ABR: variants seen among roughly 807,000 people sequenced by gnomAD.
The protein encoded by ABR is active breakpoint cluster region-related protein.
A neutral mutation model predicts 107.2 loss-of-function variants in ABR; 35 were observed. The observed-to-expected ratio is 0.33, with a 90% CI of 0.25 to 0.43. The LOEUF is 0.43. Ranked by LOEUF, ABR falls within the 20% of genes least tolerant of loss-of-function variation. ABR has a pLI of 1.00. For missense variants in ABR, 815 were observed against 1,115.2 expected, an observed-to-expected ratio of 0.73 and a Z score of 3.83; for synonymous variants, 498 against 462.0, an observed-to-expected ratio of 1.08 and a Z score of -1.00.
At chr17:1,029,712 G>A (rs2072550244) in intron 16 of ABR, among the ~76,000 whole-genome samples, 1 of 152,208 alleles carries the variant, frequency 6.6e-6, no homozygotes, top group African/African-American at 2.4e-5. Flanking sequence ...AGGATAGAAA[G>A]CAAGAGGCCT....
chr17:1,121,821 G>A (rs990979406), intron 2 of ABR, among the ~76,000 whole-genome samples: 2 of 152,196 alleles, frequency 1.3e-5, no homozygotes, highest in East Asian at 1.9e-4. Context: ...CCTTTCAGGG[G>A]AGTTAGAGCT....
At chr17:1,153,854 C>A in intron 1 of ABR, 1 of 217,330 alleles carries the variant, frequency 4.6e-6, no homozygotes, top group South Asian at 4.9e-5. Context: ...GCCTGTCACA[C>A]GCATCACATG....
At chr17:1,100,872 GAAGTA>G in intron 2 of ABR, 137 bp from the exon 3 acceptor site, 2 of 777,240 alleles carry the variant, frequency 2.6e-6, no homozygotes, top group South Asian at 1.7e-5. Flanking sequence ...CACCTAGGCT[GAAGTA>G]AAGTGGCACA....
In ABR at chr17:1,150,221, C is replaced by A. The variant is rs572855633; in HGVS notation, c.62-24854G>T. Among the ~76,000 whole-genome samples, 2 of 152,160 alleles carry A rather than the reference C, an allele frequency of 1.3e-5. No individual in the cohort carries two copies. Among genetic ancestry groups the A allele is most frequent in the East Asian group, 1.9e-4 (1 of 5,168 alleles). ...GCCTGTGTCAGAATTTTTTTTGTTACCCACCTGACAAAGCTCTTCATCTTG... is the reference window on the plus strand; with the variant it reads ...GCCTGTGTCAGAATTTTTTTTGTTAACCACCTGACAAAGCTCTTCATCTTG... On this transcript the variant is annotated intron_variant, in intron 1 of 22. Transcript: ENST00000302538. This position sits in a 1 kb window ranked among gnomAD's most constrained non-coding sequence, Gnocchi z 4.8.
chr17:1,053,941 G>A (rs2032899867), intron 14 of ABR, among the ~76,000 whole-genome samples: 1 of 152,164 alleles, frequency 6.6e-6, no homozygotes, highest in Non-Finnish European at 1.5e-5. Context: ...TGGGTCTGGA[G>A]AGAGTTCAGG....
intron 1 of ABR, among the ~76,000 whole-genome samples, chr17:1,127,788 G>T (rs74835549): frequency 6.6e-6 from 1 of 152,194 alleles, no homozygotes; most frequent in South Asian, 2.1e-4. Context: ...AGATCAACGG[G>T]GGGGAAGGGA....
At chr17:1,185,349 C>G (rs2042252177) in intron 1 of ABR, among the ~76,000 whole-genome samples, 2 of 152,104 alleles carry the variant, frequency 1.3e-5, no homozygotes, top group Admixed American at 1.3e-4. Flanking sequence ...CATCTGTAGA[C>G]AGTATGCGCC....
At chr17:1,137,536 T>C (rs62069392) in intron 1 of ABR, among the ~76,000 whole-genome samples, 7,563 of 152,242 alleles carry the variant, frequency 0.05, 253 homozygotes, top group African/African-American at 0.083. Context: ...AGATGAAGGT[T>C]GCCGGGTCCG....
chr17:1,099,154 C>T (rs945728819), intron 3 of ABR, among the ~76,000 whole-genome samples: 17 of 151,274 alleles, frequency 1.1e-4, no homozygotes, highest in Non-Finnish European at 2.1e-4. Flanking sequence ...CAGCTCACTA[C>T]GACCTTCGCC....
rs1326175640 is a variant in ABR, at chr17:1,011,274, A to G, written c.2102-411T>C. On this transcript the variant is annotated intron_variant, in intron 19 of 22. Transcript: ENST00000302538. This position sits in a 1 kb window ranked among gnomAD's most constrained non-coding sequence, Gnocchi z 4.8. ...CTCAGCTTCTAGGCTGCACAGAGGC[A>G]CCAACGCCGGCCAGTTCCCAGGCCC... 3 of 196,828 alleles carry G rather than the reference A, an allele frequency of 1.5e-5. No individual in the cohort carries two copies. The highest frequency in any genetic ancestry group is 8.7e-5 in the South Asian group (1 of 11,486). The allele number at this position is 196,828 out of a possible 1,614,324, so 12.2% of individuals were successfully genotyped here.
intron 2 of ABR, among the ~76,000 whole-genome samples, chr17:1,104,553 C>T (rs966403833): frequency 2.0e-5 from 3 of 152,184 alleles, no homozygotes; most frequent in South Asian, 4.1e-4. Context: ...GAGTACCCAG[C>T]AGGATCTGCT....
At chr17:1,121,981 C>A (rs770097297) in intron 2 of ABR, among the ~76,000 whole-genome samples, 48 of 152,356 alleles carry the variant, frequency 3.2e-4, no homozygotes, top group Non-Finnish European at 5.4e-4. Context: ...CGGCTCGCTG[C>A]AACTTCCACC....
At chr17:1,205,813 C>A (rs952439190) in intron 1 of ABR, among the ~76,000 whole-genome samples, 1 of 152,180 alleles carries the variant, frequency 6.6e-6, no homozygotes, top group African/African-American at 2.4e-5. Context: ...TGTGGTGGTG[C>A]ATGCCTGTAG....
At chr17:1,173,714 C>A (rs149012590) in intron 1 of ABR, among the ~76,000 whole-genome samples, 27 of 152,208 alleles carry the variant, frequency 1.8e-4, no homozygotes, top group African/African-American at 6.0e-4. Flanking sequence ...TTTTCCCACC[C>A]GTACTCAGAC....
chr17:1,159,353 G>A (rs528438048), intron 1 of ABR, among the ~76,000 whole-genome samples: 64 of 103,464 alleles, frequency 6.2e-4, no homozygotes, highest in Middle Eastern at 5.2e-3. Context: ...GGAAGTATGC[G>A]GTACTCACAC....
chr17:1,009,373 TG>T (rs1327587565), intron 21 of ABR, among the ~76,000 whole-genome samples: 1 of 151,926 alleles, frequency 6.6e-6, no homozygotes, highest in Non-Finnish European at 1.5e-5. Flanking sequence ...CCTGTAGTCC[TG>T]GGCTCTCACC....
At chr17:1,086,502 CTTT>C (rs11288862) in intron 4 of ABR, among the ~76,000 whole-genome samples, 3 of 140,560 alleles carry the variant, frequency 2.1e-5, no homozygotes, top group Admixed American at 7.1e-5. Context: ...TACTTATACA[CTTT>C]TTTTTTTTTT....
intron 2 of ABR, among the ~76,000 whole-genome samples, chr17:1,122,878 G>C (rs575759162): frequency 5.3e-5 from 8 of 152,180 alleles, no homozygotes; most frequent in African/African-American, 1.4e-4. Flanking sequence ...AAGGCCCAGC[G>C]ATAAGGCGGT....
chr17:1,085,655 C>T (rs1009634490), intron 4 of ABR, among the ~76,000 whole-genome samples: 24 of 152,270 alleles, frequency 1.6e-4, no homozygotes, highest in African/African-American at 5.3e-4. Context: ...ACCTGAGATA[C>T]GGCCGGTTCA....
Sources: gnomAD v4.1 joint callset for allele counts (sites outside exome capture counted in the v4.1 genomes callset) on GRCh38, gnomAD v4.1.1 for gene constraint, Gnocchi (gnomAD v3.1) non-coding constraint, MANE v1.5 for transcripts, NCBI Gene and HGNC (gene_info 2026-07-23, HGNC 2026-07-21) for gene names.